The following SGCD variants were observed in gnomAD, a reference collection of about 807,000 sequenced individuals.
SGCD encodes delta-sarcoglycan.
SGCD carries 18 observed loss-of-function variants against 36.6 expected under a neutral mutation model. That is an observed-to-expected ratio of 0.49 (90% CI 0.34 to 0.73). The LOEUF (loss-of-function observed/expected upper bound fraction) is 0.73, where lower values mean the gene tolerates loss of function less well. SGCD is among the 30% of genes least tolerant of loss of function. SGCD has a pLI of 0.01. For synonymous variants in SGCD, 133 were observed against 130.6 expected (o/e 1.02, Z -0.12); for missense variants, 387 against 346.7 (o/e 1.12, Z -0.92).
intron 1 of SGCD, among the ~76,000 whole-genome samples, chr5:156,077,761 C>G (rs747464707): frequency 1.3e-5 from 2 of 152,150 alleles, no homozygotes; most frequent in Admixed American, 6.5e-5. Context: ...CTGGAAATCC[C>G]ATCTCCCTTG....
At chr5:156,463,167 G>A (rs1468710281) in intron 3 of SGCD, among the ~76,000 whole-genome samples, 4 of 151,002 alleles carry the variant, frequency 2.6e-5, no homozygotes, top group South Asian at 2.1e-4. Flanking sequence ...TGTTTGAGAC[G>A]GAGTCTCACA....
intron 5 of SGCD, among the ~76,000 whole-genome samples, chr5:156,590,516 G>A (rs1197564317): frequency 6.6e-6 from 1 of 152,100 alleles, no homozygotes; most frequent in Non-Finnish European, 1.5e-5. Context: ...TAAATAAACA[G>A]CTTCAGTAAG....
intron 3 of SGCD, among the ~76,000 whole-genome samples, chr5:156,270,411 A>T (rs1766144746): frequency 1.3e-5 from 2 of 152,178 alleles, no homozygotes; most frequent in Non-Finnish European, 2.9e-5. Context: ...CTTGTAAACT[A>T]GTTAAATTCA....
intron 3 of SGCD, among the ~76,000 whole-genome samples, chr5:156,401,779 A>G (rs1772163371): frequency 6.6e-6 from 1 of 152,136 alleles, no homozygotes; most frequent in Non-Finnish European, 1.5e-5. Flanking sequence ...ATTTTCATAA[A>G]CTATACATAA....
intron 2 of SGCD, among the ~76,000 whole-genome samples, chr5:156,121,535 T>G (rs914284756): frequency 1.3e-5 from 2 of 152,102 alleles, no homozygotes; most frequent in Non-Finnish European, 2.9e-5. Context: ...GGGAGCCTTT[T>G]ATCAGTTAAA....
chr5:156,181,582 G>A (rs549212286), intron 3 of SGCD, among the ~76,000 whole-genome samples: 3 of 152,118 alleles, frequency 2.0e-5, no homozygotes, highest in Non-Finnish European at 4.4e-5. Flanking sequence ...TTTTTATAGC[G>A]ATGTACAGTA....
intron 1 of SGCD, among the ~76,000 whole-genome samples, chr5:155,916,786 C>CTT (rs34589355): frequency 6.6e-6 from 1 of 152,164 alleles, no homozygotes; most frequent in Non-Finnish European, 1.5e-5. Context: ...GACATTCAAA[C>CTT]TTTTTCAAAA....
chr5:156,269,936 G>A (rs1295453904), intron 3 of SGCD, among the ~76,000 whole-genome samples: 6 of 152,172 alleles, frequency 3.9e-5, no homozygotes, highest in African/African-American at 9.7e-5. Flanking sequence ...TCTTCATCAC[G>A]AAATCCTTGC....
At chr5:155,976,797 C>T (rs1164587639) in intron 1 of SGCD, among the ~76,000 whole-genome samples, 1 of 152,130 alleles carries the variant, frequency 6.6e-6, no homozygotes, top group East Asian at 1.9e-4. Context: ...CCTGATGCCA[C>T]ATTTTCATCA....
intron 3 of SGCD, among the ~76,000 whole-genome samples, chr5:156,425,621 TC>T (rs1773637664): frequency 6.6e-6 from 1 of 151,946 alleles, no homozygotes; most frequent in Non-Finnish European, 1.5e-5. Flanking sequence ...ATGGATAAGT[TC>T]TTTAGTAATG....
At chr5:155,914,379 G>A (rs1756695158) in intron 1 of SGCD, among the ~76,000 whole-genome samples, 1 of 152,030 alleles carries the variant, frequency 6.6e-6, no homozygotes, top group Non-Finnish European at 1.5e-5. Context: ...TGCCTACTAT[G>A]TGCCAGGCTC....
chr5:156,457,776 T>C (rs555739001), intron 3 of SGCD, among the ~76,000 whole-genome samples: 7 of 152,318 alleles, frequency 4.6e-5, no homozygotes, highest in Non-Finnish European at 7.4e-5. Flanking sequence ...GGGAGACATG[T>C]GTTCTAGTCC....
chr5:156,264,765 A>T (rs898856249), intron 3 of SGCD, among the ~76,000 whole-genome samples: 3 of 152,138 alleles, frequency 2.0e-5, no homozygotes, highest in Non-Finnish European at 4.4e-5. Flanking sequence ...CAGAGCACTG[A>T]CCAACCTACT....
chr5:156,735,014 A>G (rs1357239582), intron 7 of SGCD, among the ~76,000 whole-genome samples: 1 of 151,886 alleles, frequency 6.6e-6, no homozygotes, highest in Non-Finnish European at 1.5e-5. Context: ...TGACCTCTGG[A>G]TGGTTTTTTT....
chr5:155,820,801 T>C, the SGCD span, among the ~76,000 whole-genome samples: 1 of 152,304 alleles, frequency 6.6e-6, no homozygotes, highest in African/African-American at 2.4e-5. Flanking sequence ...TGAACATTTA[T>C]ATTCCAAGTG....
chr5:156,597,838 C>T (rs1291462172), intron 6 of SGCD, among the ~76,000 whole-genome samples: 1 of 152,130 alleles, frequency 6.6e-6, no homozygotes, highest in African/African-American at 2.4e-5. Context: ...TCAGAAACAC[C>T]TTGTGGGGTA....
At chr5:156,571,220 A>C (rs1006366056) in intron 4 of SGCD, among the ~76,000 whole-genome samples, 1 of 151,958 alleles carries the variant, frequency 6.6e-6, no homozygotes, top group Non-Finnish European at 1.5e-5. Context: ...TAATTATTGT[A>C]TTTTTAGTAG....
the SGCD span, among the ~76,000 whole-genome samples, chr5:155,783,168 C>T: frequency 7.9e-5 from 12 of 152,066 alleles, no homozygotes. Context: ...GTAAATCATG[C>T]ATGTATGTGC....
At chr5:156,494,763 C>T (rs1173072538) in intron 3 of SGCD, among the ~76,000 whole-genome samples, 1 of 152,090 alleles carries the variant, frequency 6.6e-6, no homozygotes, top group Admixed American at 6.6e-5. Flanking sequence ...CCTATTCCTC[C>T]CTACCTTGTG....
Sources: gnomAD v4.1 joint callset for allele counts (sites outside exome capture counted in the v4.1 genomes callset) on GRCh38, gnomAD v4.1.1 for gene constraint, MANE v1.5 for transcripts, NCBI Gene and HGNC (gene_info 2026-07-23, HGNC 2026-07-21) for gene names.